Variants in APC observed in about 807,000 individuals in gnomAD.
APC encodes the protein APC regulator of Wnt signaling pathway, also known as adenomatous polyposis coli protein.
APC carries 72 observed loss-of-function variants against 247.0 expected under a neutral mutation model. The observed-to-expected ratio is 0.29, with a 90% CI of 0.24 to 0.35. APC has a LOEUF of 0.35. Ranked by LOEUF, APC falls within the 10% of genes least tolerant of loss-of-function variation. APC has a pLI of 1.00. For synonymous variants in APC, 1,254 were observed against 1,162.5 expected (o/e 1.08, Z -1.60); for missense variants, 3,400 against 3,360.7 (o/e 1.01, Z -0.29).
Position 112,820,064 on chromosome 5 carries a change from C to T in APC, c.1312+720C>T, listed in dbSNP as rs371229720. Among the ~76,000 whole-genome samples the T allele has an allele frequency of 1.1e-4, 17 of 152,216 alleles. No homozygotes were observed. The East Asian group carries it at 1.4e-3, about 12-fold the overall frequency. On this transcript the variant is annotated intron_variant, in intron 10 of 15. Transcript: ENST00000257430. ...GGACCCTTAGACCTCAGCCCCACTC[C>T]CGCAGGAGCAGCATGGGAGTTAGGA...
At chr5:112,816,055 C>T (rs1762478896) in intron 9 of APC, among the ~76,000 whole-genome samples, 1 of 152,232 alleles carries the variant, frequency 6.6e-6, no homozygotes, top group South Asian at 2.1e-4. Context: ...TGCAAGAATA[C>T]TGAGTTCCAG....
At chr5:112,796,143 A>G (rs955773206) in intron 7 of APC, among the ~76,000 whole-genome samples, 1 of 152,230 alleles carries the variant, frequency 6.6e-6, no homozygotes, top group Non-Finnish European at 1.5e-5. Flanking sequence ...GAAGTTGTAA[A>G]GGAAGGTGAT....
In APC at chr5:112,829,014, T is replaced by C; in HGVS notation, c.1743+42T>C. ...TTAGTACTATAATATGAATTTCATGTTTGGCTTTTTTTTGCTGCCTTCTTT... is the reference window on the plus strand; with the variant it reads ...TTAGTACTATAATATGAATTTCATGCTTGGCTTTTTTTTGCTGCCTTCTTT... On this transcript the variant is annotated intron_variant, in intron 14 of 15. Transcript: ENST00000257430. The C allele has an allele frequency of 6.9e-7, 1 of 1,443,258 alleles. No homozygotes were observed. Among genetic ancestry groups the C allele is most frequent in the Non-Finnish European group, 9.7e-7 (1 of 1,025,830 alleles). 89.4% of individuals were successfully genotyped at this position (1,443,258 alleles called of 1,614,324 possible). A position where few individuals can be genotyped will look rare whatever the true frequency, so the allele number is the denominator to read the frequency against.
In APC at chr5:112,840,045, A is replaced by T. The variant is rs895694427; in HGVS notation, c.4451A>T (p.Asp1484Val). Residue 1484 changes from aspartate to valine, a missense_variant, in exon 16 of 16, where the codon GAT becomes GTT. Asp to Val is a radical substitution (Grantham distance 152, BLOSUM62 -3). This residue lies in a region of APC where 1,788 missense variants were observed against 1,649.5 expected (regional missense o/e 1.08). Coordinates refer to ENST00000257430, the MANE Select transcript of APC (RefSeq NM_000038.6). The surrounding 1 kb of genome is among the most constrained non-coding windows in gnomAD (Gnocchi z 4.1). The part of the protein sequence containing the change: ...AAVQRVQVLP[D>V]ADTLLHFATE... Reference sequence around the variant, plus strand: ...GTTCAGAGGGTCCAGGTTCTTCCAGATGCTGATACTTTATTACATTTTGCC... The same window carrying T: ...GTTCAGAGGGTCCAGGTTCTTCCAGTTGCTGATACTTTATTACATTTTGCC... 2.5e-6 allele frequency: 4 copies of T among 1,613,990 alleles called. No homozygotes were observed. In the African/African-American group the frequency reaches 5.3e-5, roughly 22 times the overall value.
chr5:112,742,096 G>T (rs944079791), intron 1 of APC, among the ~76,000 whole-genome samples: 1 of 152,084 alleles, frequency 6.6e-6, no homozygotes, highest in Non-Finnish European at 1.5e-5. Flanking sequence ...GTGTGCAAGT[G>T]TCTGCTTGGG....
At chr5:112,828,102 C>T in intron 13 of APC, 96 bp downstream of exon 13, 1 of 976,802 alleles carries the variant, frequency 1.0e-6, no homozygotes, top group Non-Finnish European at 1.6e-6. Flanking sequence ...GTTGTGCAAT[C>T]TCAGCTCACT....
chr5:112,716,558 G>A (rs927846672), intron 1 of APC, among the ~76,000 whole-genome samples: 3 of 151,496 alleles, frequency 2.0e-5, no homozygotes, highest in Admixed American at 6.6e-5. Context: ...TTTTTTATTA[G>A]GTCATATTTG....
chr5:112,751,739 G>T (rs1754395513), intron 1 of APC, among the ~76,000 whole-genome samples: 1 of 151,772 alleles, frequency 6.6e-6, no homozygotes, highest in African/African-American at 2.4e-5. Context: ...TGTTATCTGT[G>T]AATAATGTTC....
chr5:112,752,144 CAG>C (rs1434410564), intron 1 of APC, among the ~76,000 whole-genome samples: 3 of 151,984 alleles, frequency 2.0e-5, no homozygotes, highest in Non-Finnish European at 2.9e-5. Context: ...TAGAGTTGAG[CAG>C]AGTCATCTTT....
rs1335865613 is a variant in APC at position 112,837,252 on chromosome 5, C to CT, written c.1959-300dup. 2.0e-5 allele frequency among the ~76,000 whole-genome samples: 3 copies of CT among 152,256 alleles called. No homozygotes were observed. The East Asian group carries it at 5.8e-4, about 29-fold the overall frequency. ...ATGATATAGTTTTTAAATTGGGAAACTGTTATATGAATAGAGTAAATGTAT... is the reference window on the plus strand; with the variant it reads ...ATGATATAGTTTTTAAATTGGGAAACTTGTTATATGAATAGAGTAAATGTAT... On this transcript the variant is annotated intron_variant, in intron 15 of 15. Transcript: ENST00000257430.
At chr5:112,825,192 T>A (rs1763516810) in intron 11 of APC, among the ~76,000 whole-genome samples, 1 of 152,168 alleles carries the variant, frequency 6.6e-6, no homozygotes, top group Admixed American at 6.5e-5. Context: ...ACTGACTGCT[T>A]TAATTCTGCT....
At chr5:112,740,525 T>C (rs1231668275) in intron 1 of APC, among the ~76,000 whole-genome samples, 4,487 of 37,048 alleles carry the variant, frequency 0.12, 37 homozygotes, top group East Asian at 0.29. Flanking sequence ...TTTTTTTTTC[T>C]TTTTTTTTTT....
At chr5:112,785,544 A>G (rs888193563) in intron 6 of APC, among the ~76,000 whole-genome samples, 1 of 152,218 alleles carries the variant, frequency 6.6e-6, no homozygotes. Flanking sequence ...TTCCAAAAAC[A>G]TTTATGAAAG....
At chr5:112,813,481 A>C (rs577774815) in intron 8 of APC, among the ~76,000 whole-genome samples, 2 of 152,194 alleles carry the variant, frequency 1.3e-5, no homozygotes, top group South Asian at 2.1e-4. Context: ...AAATCTCTGT[A>C]TGAGCCCTTA....
chr5:112,717,129 G>T lies in APC; in HGVS notation c.165+9247G>T, dbSNP rs568557173. ...AGGTTAAAGCAATTCTCGTGCCTCA[G>T]CCTCCTGAGTAGCTGGGATTACAGG... On this transcript the variant is annotated intron_variant, in intron 1 of 13. Coordinates refer to the APC transcript ENST00000507379. Among the ~76,000 whole-genome samples the T allele has an allele frequency of 4.6e-5, 7 of 152,210 alleles. No homozygotes were observed. The South Asian group carries it at 1.5e-3, about 32-fold the overall frequency.
intron 1 of APC, among the ~76,000 whole-genome samples, chr5:112,730,060 G>T (rs544904903): frequency 3.3e-5 from 5 of 152,190 alleles, no homozygotes; most frequent in African/African-American, 1.2e-4. Context: ...GATGTCTCCT[G>T]CATTTAAAGA....
chr5:112,834,434 G>T (rs959636435), intron 14 of APC, among the ~76,000 whole-genome samples: 3 of 150,534 alleles, frequency 2.0e-5, no homozygotes, highest in African/African-American at 7.3e-5. Context: ...TTGTAGAGAC[G>T]GGGTTTTACC....
chr5:112,712,549 A>G (rs923166253), intron 1 of APC, among the ~76,000 whole-genome samples: 3 of 143,612 alleles, frequency 2.1e-5, no homozygotes, highest in Non-Finnish European at 4.5e-5. Context: ...GTGCATCACC[A>G]CACCCAGCCC....
At chr5:112,732,635 CATT>C (rs1227034885) in intron 1 of APC, among the ~76,000 whole-genome samples, 3 of 152,144 alleles carry the variant, frequency 2.0e-5, no homozygotes, top group Non-Finnish European at 4.4e-5. Context: ...ATGTAGAAAA[CATT>C]GTGATATACA....
Sources: allele counts gnomAD v4.1 joint callset (sites outside exome capture counted in the v4.1 genomes callset), GRCh38; gene constraint gnomAD v4.1.1; regional missense constraint gnomAD v4.1.1; non-coding constraint Gnocchi (gnomAD v3.1); transcripts MANE v1.5; gene names NCBI Gene and HGNC (gene_info 2026-07-23, HGNC 2026-07-21).